Variants in FCRL2 observed in about 807,000 individuals in gnomAD.
FCRL2 encodes Fc receptor-like protein 2.
FCRL2 carries 48 observed loss-of-function variants against 59.8 expected under a neutral mutation model. That is an observed-to-expected ratio of 0.80 (90% CI 0.64 to 1.02). The LOEUF (loss-of-function observed/expected upper bound fraction) is 1.02. FCRL2 is among the 50% of genes least tolerant of loss of function. The pLI, the probability that FCRL2 is intolerant of heterozygous loss-of-function variation, is 0.00. For missense variants in FCRL2, 658 were observed against 597.3 expected, an observed-to-expected ratio of 1.10 and a Z score of -1.06; for synonymous variants, 251 against 229.5, an observed-to-expected ratio of 1.09 and a Z score of -0.85.
chr1:157,773,600 G>A (rs1355387377), intron 2 of FCRL2, among the ~76,000 whole-genome samples: 2 of 152,204 alleles, frequency 1.3e-5, no homozygotes, highest in African/African-American at 4.8e-5. Flanking sequence ...ATGGGTTTGT[G>A]TGACAGTTTG....
chr1:157,768,723 G>A (rs1297455199), intron 4 of FCRL2, 22 bp from the exon 5 acceptor site: 2 of 1,572,516 alleles, frequency 1.3e-6, no homozygotes, highest in Middle Eastern at 1.9e-4. Flanking sequence ...TAAGACAACA[G>A]GTGAGAACTC....
chr1:157,747,144 G>C (rs1279209896), intron 10 of FCRL2, among the ~76,000 whole-genome samples: 1 of 152,150 alleles, frequency 6.6e-6, no homozygotes, highest in Non-Finnish European at 1.5e-5. Context: ...CTTCCCATAG[G>C]TCATTGTCTT....
At position 157,766,996 on chromosome 1, in the gene FCRL2, GCC is replaced by G. The variant is rs766898179; in HGVS notation, c.1163-27_1163-26del. ...CCTGAGGAAAGAAAGCAGTGCTTCAGCCCCAGAGGTTTAAGACTTGGGCCCTT... is the reference window on the plus strand; with the variant it reads ...CCTGAGGAAAGAAAGCAGTGCTTCAGCCAGAGGTTTAAGACTTGGGCCCTT... On this transcript the variant is annotated intron_variant, in intron 6 of 11. Coordinates refer to ENST00000361516, the MANE Select transcript of FCRL2 (RefSeq NM_030764.4). 9.4e-6 allele frequency: 15 copies of G among 1,594,076 alleles called. No homozygotes were observed. In the African/African-American group the frequency reaches 2.0e-4, roughly 22 times the overall value.
chr1:157,762,873 C>A (rs559764389), intron 7 of FCRL2, among the ~76,000 whole-genome samples: 3 of 152,156 alleles, frequency 2.0e-5, no homozygotes, highest in South Asian at 2.1e-4. Context: ...GAAATAAAAT[C>A]TTTTCCAGAT....
intron 8 of FCRL2, among the ~76,000 whole-genome samples, chr1:157,749,285 T>C (rs1235115955): frequency 6.6e-6 from 1 of 152,162 alleles, no homozygotes; most frequent in African/African-American, 2.4e-5. Flanking sequence ...ATATACTACA[T>C]ACCTATAGCA....
At chr1:157,767,607 G>A in intron 5 of FCRL2, 98 bp from the exon 6 acceptor site, 2 of 1,613,944 alleles carry the variant, frequency 1.2e-6, no homozygotes, top group African/African-American at 1.3e-5. Flanking sequence ...TGGCCCCATG[G>A]CTGTTGCATA....
rs575737957 is a variant in FCRL2, at chr1:157,774,955, T to C, written c.52+820A>G. 3.3e-5 allele frequency among the ~76,000 whole-genome samples: 5 copies of C among 152,306 alleles called. No individual in the cohort carries two copies. In the South Asian group the frequency reaches 1.0e-3, roughly 32 times the overall value. ...TCTTGGCTCATGTGAAGATTCTGTA[T>C]ATAGAATAAAATATTTTTCCCATTG... On this transcript the variant is annotated intron_variant, in intron 2 of 11. Coordinates refer to ENST00000361516, the MANE Select transcript of FCRL2 (RefSeq NM_030764.4).
intron 7 of FCRL2, among the ~76,000 whole-genome samples, chr1:157,762,789 A>G (rs1234008151): frequency 6.6e-6 from 1 of 152,252 alleles, no homozygotes; most frequent in Non-Finnish European, 1.5e-5. Flanking sequence ...GGTATAAAAT[A>G]TTCAAAGTGC....
chr1:157,752,947 G>C (rs1165908069), intron 7 of FCRL2, among the ~76,000 whole-genome samples: 1 of 152,108 alleles, frequency 6.6e-6, no homozygotes, highest in Non-Finnish European at 1.5e-5. Flanking sequence ...GAAAAGTTCT[G>C]TAAGAATAGC....
intron 2 of FCRL2, among the ~76,000 whole-genome samples, chr1:157,772,019 A>G (rs969119872): frequency 3.6e-4 from 53 of 146,424 alleles, no homozygotes; most frequent in Non-Finnish European, 4.5e-5. Context: ...ACATTGGGGA[A>G]CAATCTGATT....
chr1:157,769,768 A>T, intron 4 of FCRL2, 98 bp downstream of exon 4: 1 of 1,430,584 alleles, frequency 7.0e-7, no homozygotes, highest in Non-Finnish European at 9.5e-7. Flanking sequence ...CACTTTCCTC[A>T]AGGACAGGAG....
chr1:157,769,941 A>G lies in FCRL2; in HGVS notation c.520T>C (p.Ser174Pro). Reference sequence around the variant, plus strand: ...ACCGTTTCTGCCTTGCACCAGTAAGACCCTGTGTCTTCACTCCACACGGCA... The same window carrying G: ...ACCGTTTCTGCCTTGCACCAGTAAGGCCCTGTGTCTTCACTCCACACGGCA... ...ISAVWSEDTGSYWCKAETVTH... is the reference protein window; with the variant it reads ...ISAVWSEDTGPYWCKAETVTH... Residue 174 changes from serine (S) to proline (P), a missense_variant, in exon 4 of 12, where the codon TCT (serine) becomes CCT (proline). Ser to Pro is a moderately conservative substitution (Grantham distance 74). Transcript: ENST00000361516. 6.2e-7 allele frequency: 1 copy of G among 1,614,024 alleles called. No homozygotes were observed. The highest frequency in any genetic ancestry group is 8.5e-7 in the Non-Finnish European group (1 of 1,179,986).
chr1:157,747,312 A>C (rs1379678822), intron 10 of FCRL2, among the ~76,000 whole-genome samples: 2 of 152,194 alleles, frequency 1.3e-5, no homozygotes, highest in African/African-American at 4.8e-5. Flanking sequence ...CAGACTCTGA[A>C]TCACATAGTA....
chr1:157,774,149 T>G (rs1296514456), intron 2 of FCRL2, among the ~76,000 whole-genome samples: 1 of 152,262 alleles, frequency 6.6e-6, no homozygotes. Flanking sequence ...TCCCAGGTGG[T>G]GAGTGCAGTG....
chr1:157,746,988 A>G, intron 10 of FCRL2, 89 bp from the exon 11 acceptor site: 3 of 1,333,996 alleles, frequency 2.2e-6, no homozygotes, highest in Non-Finnish European at 2.1e-6. Flanking sequence ...TAGAACTACT[A>G]TGCTTAGTAT....
intron 1 of FCRL2, among the ~76,000 whole-genome samples, chr1:157,776,498 A>T (rs1000723360): frequency 2.0e-5 from 3 of 152,026 alleles, no homozygotes; most frequent in Non-Finnish European, 2.9e-5. Context: ...TCGAACTCTG[A>T]CCTCAAGTGA....
At position 157,746,250 on chromosome 1, in the gene FCRL2, TC is replaced by T. The variant is rs374216411; in HGVS notation, c.*485del. Reference sequence around the variant, plus strand: ...CCTAACTCATTCTATGAAGCCAGCATCAGCCTGATACAAACATTCTGGCAGA... The same window carrying T: ...CCTAACTCATTCTATGAAGCCAGCATAGCCTGATACAAACATTCTGGCAGA... On this transcript the variant is annotated 3_prime_UTR_variant, in exon 12 of 12. Transcript: ENST00000361516. 1.5e-4 allele frequency: 24 copies of T among 156,602 alleles called. No individual in the cohort carries two copies. Among genetic ancestry groups the T allele is most frequent in the African/African-American group, 5.5e-4 (23 of 41,612 alleles). 9.7% of individuals were successfully genotyped at this position (156,602 alleles called of 1,614,324 possible). A position where few individuals can be genotyped will look rare whatever the true frequency, so the allele number is the denominator to read the frequency against.
intron 7 of FCRL2, among the ~76,000 whole-genome samples, chr1:157,760,812 G>GAAAGAAAGAAAGAA (rs1649038965): frequency 1.4e-5 from 2 of 142,010 alleles, no homozygotes; most frequent in Non-Finnish European, 3.1e-5. Context: ...GAAGGAAGGA[G>GAAAGAAAGAAAGAA]GGAAGGAAGG....
At chr1:157,765,776 C>T (rs1430505001) in intron 7 of FCRL2, among the ~76,000 whole-genome samples, 2 of 152,154 alleles carry the variant, frequency 1.3e-5, no homozygotes, top group Non-Finnish European at 2.9e-5. Flanking sequence ...GTGCCCTCTT[C>T]ACTGATACCT....
Sources: allele counts gnomAD v4.1 joint callset (sites outside exome capture counted in the v4.1 genomes callset), GRCh38; gene constraint gnomAD v4.1.1; transcripts MANE v1.5; gene names NCBI Gene and HGNC (gene_info 2026-07-23, HGNC 2026-07-21).